Variants in SH3RF2 observed in about 807,000 individuals in gnomAD.
SH3RF2 encodes E3 ubiquitin-protein ligase SH3RF2.
A neutral mutation model predicts 59.0 loss-of-function variants in SH3RF2; 43 were observed. The observed-to-expected ratio is 0.73, with a 90% CI of 0.57 to 0.94. The LOEUF (loss-of-function observed/expected upper bound fraction) is 0.94, where lower values mean the gene tolerates loss of function less well. Ranked by LOEUF, SH3RF2 falls within the 40% of genes least tolerant of loss-of-function variation. SH3RF2 has a pLI of 0.00. For synonymous variants in SH3RF2, 391 were observed against 391.5 expected (o/e 1.00, Z 0.01); for missense variants, 930 against 940.1 (o/e 0.99, Z 0.14).
chr5:146,068,504 C>T (rs866034447), intron 9 of SH3RF2, among the ~76,000 whole-genome samples: 1 of 152,198 alleles, frequency 6.6e-6, no homozygotes, highest in African/African-American at 2.4e-5. Context: ...TTCCAGAAAC[C>T]TCTCATCTGA....
chr5:146,046,619 A>T (rs1762313165), intron 5 of SH3RF2, among the ~76,000 whole-genome samples: 1 of 152,220 alleles, frequency 6.6e-6, no homozygotes, highest in East Asian at 1.9e-4. Context: ...GCAGAAATAC[A>T]ATGATGAACC....
chr5:146,064,802 AGG>A (rs1491215177), downstream of SH3RF2, among the ~76,000 whole-genome samples: 91 of 35,958 alleles, frequency 2.5e-3, no homozygotes, highest in South Asian at 6.6e-3. Flanking sequence ...GAAGGAAGGA[AGG>A]AAGGAAAGAA....
At chr5:146,047,942 T>C in intron 6 of SH3RF2, 79 bp downstream of exon 6, 1 of 1,349,202 alleles carries the variant, frequency 7.4e-7, no homozygotes, top group Non-Finnish European at 1.0e-6. Flanking sequence ...TGATCTAGCA[T>C]CACCATTCCC....
intron 5 of SH3RF2, among the ~76,000 whole-genome samples, chr5:146,018,791 C>T (rs1406670745): frequency 6.6e-6 from 1 of 152,072 alleles, no homozygotes; most frequent in African/African-American, 2.4e-5. Flanking sequence ...ATGCCCACAT[C>T]GACTGTTTTT....
At chr5:146,018,273 T>C (rs1316972606) in intron 5 of SH3RF2, among the ~76,000 whole-genome samples, 1 of 152,124 alleles carries the variant, frequency 6.6e-6, no homozygotes, top group Non-Finnish European at 1.5e-5. Flanking sequence ...CCTTTGAGTC[T>C]CCCATTTCCA....
At chr5:146,064,791 G>GAAAAA (rs1763045630), downstream of SH3RF2, among the ~76,000 whole-genome samples, 1 of 30,566 alleles carries the variant, frequency 3.3e-5, no homozygotes. Flanking sequence ...AAGGAAGGAA[G>GAAAAA]GAAGGAAGGA....
intron 2 of SH3RF2, among the ~76,000 whole-genome samples, chr5:145,977,338 C>T (rs1026797918): frequency 4.6e-5 from 7 of 152,214 alleles, no homozygotes; most frequent in African/African-American, 1.7e-4. Context: ...CAATCATATA[C>T]TATTGATGCC....
downstream of SH3RF2, among the ~76,000 whole-genome samples, chr5:146,066,049 C>G (rs1305802759): frequency 1.3e-5 from 2 of 152,194 alleles, no homozygotes; most frequent in Admixed American, 1.3e-4. Flanking sequence ...CCCTATAAGG[C>G]AGGTAGATTG....
chr5:146,020,099 T>C (rs1451939455), intron 5 of SH3RF2, among the ~76,000 whole-genome samples: 2 of 152,202 alleles, frequency 1.3e-5, no homozygotes, highest in African/African-American at 4.8e-5. Context: ...TATTTCTTTC[T>C]CTTGCCTGAC....
At chr5:145,941,283 T>C (rs548760577) in intron 2 of SH3RF2, among the ~76,000 whole-genome samples, 1 of 152,328 alleles carries the variant, frequency 6.6e-6, no homozygotes, top group Admixed American at 6.5e-5. Flanking sequence ...CAACCAGTGT[T>C]CTAGGGTGGA....
chr5:146,060,341 A>G, intron 9 of SH3RF2, 117 bp downstream of exon 9: 1 of 925,572 alleles, frequency 1.1e-6, no homozygotes, highest in Non-Finnish European at 1.6e-6. Flanking sequence ...CCTCGAAAGA[A>G]TCCTCACACA....
chr5:146,069,489 T>TTGC (rs56297729), intron 9 of SH3RF2, among the ~76,000 whole-genome samples: 137,542 of 151,292 alleles, frequency 0.91, 63,924 homozygotes, highest in East Asian at 1. Context: ...AAATGAGATC[T>TTGC]TGCTGCTGCT....
chr5:146,036,853 G>T (rs1050871119), intron 5 of SH3RF2, among the ~76,000 whole-genome samples: 1 of 152,214 alleles, frequency 6.6e-6, no homozygotes, highest in African/African-American at 2.4e-5. Flanking sequence ...AAGTGCCAGG[G>T]ATGGAAGCCT....
intron 5 of SH3RF2, among the ~76,000 whole-genome samples, chr5:146,025,733 G>T (rs1312651987): frequency 2.6e-5 from 4 of 152,178 alleles, no homozygotes; most frequent in Non-Finnish European, 5.9e-5. Context: ...ATTGTGTTTG[G>T]TTTGGTTTGT....
intron 2 of SH3RF2, among the ~76,000 whole-genome samples, chr5:145,940,536 G>A (rs1049043073): frequency 3.9e-5 from 6 of 152,098 alleles, no homozygotes; most frequent in South Asian, 2.1e-4. Flanking sequence ...TTACATCCTC[G>A]GTCAAATCCT....
rs190516595 is a variant in SH3RF2 at position 145,970,057 on chromosome 5, A to C, written c.379-30001A>C. On this transcript the variant is annotated intron_variant, in intron 2 of 9. Transcript: ENST00000359120. The stretch of plus-strand genomic sequence containing the variant: ...AATAATGATGATGGCTAACTGTGAC[A>C]AGCCCTTTACTCATGTTAGCTTTAC... 2.3e-3 allele frequency among the ~76,000 whole-genome samples: 348 copies of C among 152,298 alleles called. 2 individuals carry two copies. The highest frequency in any genetic ancestry group is 7.9e-3 in the African/African-American group (327 of 41,568).
intron 9 of SH3RF2, among the ~76,000 whole-genome samples, chr5:146,060,533 A>G (rs1762850914): frequency 6.6e-6 from 1 of 152,112 alleles, no homozygotes; most frequent in African/African-American, 2.4e-5. Context: ...TCTTGCTTTG[A>G]ATTCTAGCTT....
chr5:146,064,812 GAAAGAAAGAAAGAAA>G (rs1763051333), downstream of SH3RF2, among the ~76,000 whole-genome samples: 13 of 9,908 alleles, frequency 1.3e-3, no homozygotes, highest in Admixed American at 2.0e-3. Flanking sequence ...AGGAAGGAAA[GAAAGAAAGAAAGAAA>G]GAAAGAAAGA....
chr5:146,064,616 G>GA (rs1763007400), downstream of SH3RF2, among the ~76,000 whole-genome samples: 2 of 41,312 alleles, frequency 4.8e-5, no homozygotes, highest in African/African-American at 1.8e-4. Flanking sequence ...AGAGAGAGAG[G>GA]GAGAGAGAGA....
Sources: gnomAD v4.1 joint callset for allele counts (sites outside exome capture counted in the v4.1 genomes callset) on GRCh38, gnomAD v4.1.1 for gene constraint, MANE v1.5 for transcripts, NCBI Gene and HGNC (gene_info 2026-07-23, HGNC 2026-07-21) for gene names.